The following WDR70 variants were observed in gnomAD, a reference collection of about 807,000 sequenced individuals.
The protein encoded by WDR70 is WD repeat-containing protein 70.
In WDR70, 53 loss-of-function variants were observed where a neutral mutation model predicts 88.6. That is an observed-to-expected ratio of 0.60 (90% confidence interval 0.48 to 0.75). The LOEUF is 0.75. Ranked by LOEUF, WDR70 falls within the 30% of genes least tolerant of loss-of-function variation. WDR70 has a pLI of 0.00. For missense variants in WDR70, 610 were observed against 823.2 expected (o/e 0.74, Z 3.17); for synonymous variants, 280 against 270.0 (o/e 1.04, Z -0.36).
chr5:37,462,503 CGTG>C (rs888247728), intron 7 of WDR70, among the ~76,000 whole-genome samples: 8 of 152,066 alleles, frequency 5.3e-5, no homozygotes, highest in Non-Finnish European at 1.2e-4. Context: ...GGGGTTTCAC[CGTG>C]TTAGTTAGGA....
At chr5:37,489,626 G>A (rs1288973481) in intron 8 of WDR70, among the ~76,000 whole-genome samples, 2 of 152,038 alleles carry the variant, frequency 1.3e-5, no homozygotes, top group East Asian at 1.9e-4. Context: ...AGGTTTTCTG[G>A]CCTGTTATTA....
At chr5:37,482,003 G>A (rs1007376444) in intron 8 of WDR70, among the ~76,000 whole-genome samples, 1 of 152,282 alleles carries the variant, frequency 6.6e-6, no homozygotes, top group Non-Finnish European at 1.5e-5. Context: ...TCTTTGCATA[G>A]TAAGAGTGAC....
intron 4 of WDR70, among the ~76,000 whole-genome samples, chr5:37,394,976 T>C (rs1748963318): frequency 6.6e-6 from 1 of 152,202 alleles, no homozygotes; most frequent in South Asian, 2.1e-4. Flanking sequence ...TGTTTTTCCG[T>C]CAGTAGATAT....
At chr5:37,402,379 A>G (rs988015988) in intron 5 of WDR70, among the ~76,000 whole-genome samples, 1 of 151,478 alleles carries the variant, frequency 6.6e-6, no homozygotes, top group Non-Finnish European at 1.5e-5. Flanking sequence ...GGTTGATTCC[A>G]TATCTTGGTC....
chr5:37,678,060 C>CT (rs1455972764), intron 10 of WDR70, among the ~76,000 whole-genome samples: 2 of 151,898 alleles, frequency 1.3e-5, no homozygotes, highest in Non-Finnish European at 2.9e-5. Context: ...CAACCCCTGC[C>CT]TTTTTTTGTT....
intron 5 of WDR70, among the ~76,000 whole-genome samples, chr5:37,426,113 GGACA>G (rs1341467613): frequency 1.3e-5 from 2 of 152,126 alleles, no homozygotes; most frequent in Non-Finnish European, 2.9e-5. Context: ...GAACCCCGAG[GGACA>G]GATAGAGAAG....
intron 13 of WDR70, among the ~76,000 whole-genome samples, chr5:37,719,674 AT>A (rs1296091926): frequency 6.6e-6 from 1 of 152,170 alleles, no homozygotes; most frequent in African/African-American, 2.4e-5. Context: ...TAAATCAGAT[AT>A]GAATTAAATA....
intron 10 of WDR70, among the ~76,000 whole-genome samples, chr5:37,669,835 G>A (rs1335549913): frequency 6.6e-6 from 1 of 152,130 alleles, no homozygotes; most frequent in East Asian, 1.9e-4. Context: ...ATATTATTTG[G>A]CAATAAAAAG....
intron 10 of WDR70, among the ~76,000 whole-genome samples, chr5:37,610,137 G>A (rs973006377): frequency 6.6e-6 from 1 of 152,034 alleles, no homozygotes; most frequent in Non-Finnish European, 1.5e-5. Context: ...GTGGTGGCAG[G>A]CACCTGTAGT....
intron 3 of WDR70, among the ~76,000 whole-genome samples, chr5:37,388,960 T>G (rs1748719012): frequency 6.6e-6 from 1 of 152,092 alleles, no homozygotes; most frequent in African/African-American, 2.4e-5. Flanking sequence ...TCCTGATTAG[T>G]AATATAATTG....
At chr5:37,398,268 T>G (rs923249247) in intron 5 of WDR70, among the ~76,000 whole-genome samples, 1 of 151,834 alleles carries the variant, frequency 6.6e-6, no homozygotes, top group Admixed American at 6.6e-5. Flanking sequence ...TTTCGTATTT[T>G]TAGTAGAGAT....
chr5:37,423,552 G>GTT (rs1212319147), intron 5 of WDR70, among the ~76,000 whole-genome samples: 1 of 122,906 alleles, frequency 8.1e-6, no homozygotes, highest in Non-Finnish European at 1.8e-5. Flanking sequence ...TTAAATGTTT[G>GTT]TTTTTTTTTG....
chr5:37,637,448 G>A (rs1308973021), intron 10 of WDR70, among the ~76,000 whole-genome samples: 1 of 151,778 alleles, frequency 6.6e-6, no homozygotes, highest in East Asian at 1.9e-4. Flanking sequence ...AACATAGCAG[G>A]GTTAAGTCAG....
chr5:37,529,804 A>G (rs1741424748), intron 9 of WDR70, among the ~76,000 whole-genome samples: 1 of 151,922 alleles, frequency 6.6e-6, no homozygotes. Context: ...ATCAATTTGG[A>G]TGCCTTGATT....
intron 9 of WDR70, among the ~76,000 whole-genome samples, chr5:37,597,182 T>A (rs1019152862): frequency 6.6e-5 from 10 of 152,156 alleles, no homozygotes; most frequent in African/African-American, 1.4e-4. Flanking sequence ...TATTGTTTTT[T>A]AAAAAATAAA....
At chr5:37,469,521 G>A (rs1739261772) in intron 7 of WDR70, among the ~76,000 whole-genome samples, 1 of 152,214 alleles carries the variant, frequency 6.6e-6, no homozygotes, top group African/African-American at 2.4e-5. Context: ...AAGTCATGAG[G>A]CAGCAGAAAG....
chr5:37,696,837 C>T (rs1012298381), intron 10 of WDR70, among the ~76,000 whole-genome samples: 6 of 152,094 alleles, frequency 3.9e-5, no homozygotes, highest in African/African-American at 1.4e-4. Flanking sequence ...AACTGAGTGG[C>T]AAGATTGGTG....
At chr5:37,541,177 T>G (rs1055051923) in intron 9 of WDR70, among the ~76,000 whole-genome samples, 2 of 152,248 alleles carry the variant, frequency 1.3e-5, no homozygotes, top group Non-Finnish European at 2.9e-5. Flanking sequence ...TCACTGTGAG[T>G]GACTTAACCC....
chr5:37,413,097 C>T (rs1468520026), intron 5 of WDR70, among the ~76,000 whole-genome samples: 1 of 152,120 alleles, frequency 6.6e-6, no homozygotes, highest in Non-Finnish European at 1.5e-5. Flanking sequence ...AATTTAATTA[C>T]GCCTGCAAGG....
Sources: allele counts gnomAD v4.1 joint callset (sites outside exome capture counted in the v4.1 genomes callset), GRCh38; gene constraint gnomAD v4.1.1; transcripts MANE v1.5; gene names NCBI Gene and HGNC (gene_info 2026-07-23, HGNC 2026-07-21).